The following SMARCAD1 variants were observed in gnomAD, a reference collection of about 807,000 sequenced individuals.
SMARCAD1 encodes the protein SWI/SNF-related matrix-associated actin-dependent regulator of chromatin subfamily A containing DEAD/H box 1.
Under a neutral mutation model 127.1 loss-of-function variants are expected in SMARCAD1, and 25 were observed. The ratio of observed to expected loss-of-function variants is 0.20; its 90% CI spans 0.14 to 0.27. The LOEUF (loss-of-function observed/expected upper bound fraction) is 0.27, where lower values mean the gene tolerates loss of function less well. SMARCAD1 is among the 10% of genes least tolerant of loss of function. The pLI is 1.00. For missense variants in SMARCAD1, 807 were observed against 1,206.0 expected (o/e 0.67, Z 4.90); for synonymous variants, 400 against 396.9 (o/e 1.01, Z -0.09).
intron 11 of SMARCAD1, among the ~76,000 whole-genome samples, chr4:94,272,748 G>A (rs1752723095): frequency 6.6e-6 from 1 of 151,944 alleles, no homozygotes; most frequent in Admixed American, 6.6e-5. Flanking sequence ...AGTGCAATTT[G>A]TTGATCTTCT....
intron 23 of SMARCAD1, 111 bp from the exon 24 acceptor site, chr4:94,289,362 T>C (rs559723034): frequency 1.9e-5 from 18 of 950,494 alleles, no homozygotes; most frequent in Middle Eastern, 3.3e-4. Context: ...TGAAGCAAAC[T>C]AGCCCTTGAA....
upstream of SMARCAD1, chr4:94,207,813 C>G (rs1578949915): frequency 3.4e-6 from 1 of 293,678 alleles, no homozygotes; most frequent in Admixed American, 4.7e-5. Context: ...CACCTCTGAA[C>G]CTTCCTGTGT....
At chr4:94,267,965 G>T (rs1751983050) in intron 10 of SMARCAD1, among the ~76,000 whole-genome samples, 1 of 152,102 alleles carries the variant, frequency 6.6e-6, no homozygotes, top group Non-Finnish European at 1.5e-5. Context: ...TTTAAATGTT[G>T]TTATAATAAA....
intron 14 of SMARCAD1, 82 bp from the exon 15 acceptor site, chr4:94,276,257 T>C (rs1279615216): frequency 2.7e-5 from 40 of 1,475,432 alleles, no homozygotes; most frequent in Admixed American, 5.3e-5. Flanking sequence ...AAATAAAAAA[T>C]GATTTTATAA....
chr4:94,275,409 T>A (rs188533460), intron 14 of SMARCAD1, among the ~76,000 whole-genome samples: 8 of 152,332 alleles, frequency 5.3e-5, no homozygotes, highest in Admixed American at 5.2e-4. Flanking sequence ...TAATAATTGA[T>A]GTAAATATCT....
intron 2 of SMARCAD1, among the ~76,000 whole-genome samples, 163 bp downstream of exon 2, chr4:94,208,747 C>T (rs1306362370): frequency 6.6e-6 from 1 of 152,162 alleles, no homozygotes. Context: ...GCACCATGTA[C>T]CCTCAACTGA....
At chr4:94,259,972 G>T (rs189187123) in intron 9 of SMARCAD1, among the ~76,000 whole-genome samples, 1 of 152,248 alleles carries the variant, frequency 6.6e-6, no homozygotes, top group Non-Finnish European at 1.5e-5. Flanking sequence ...TAAGATCCAA[G>T]TAAGGTCCAC....
intron 3 of SMARCAD1, among the ~76,000 whole-genome samples, chr4:94,232,037 ATT>A (rs1342662751): frequency 6.6e-6 from 1 of 151,824 alleles, no homozygotes. Flanking sequence ...AATTGTTTTA[ATT>A]TTTAGTGGAG....
chr4:94,259,158 G>A (rs1006462532), intron 9 of SMARCAD1, among the ~76,000 whole-genome samples: 4 of 152,108 alleles, frequency 2.6e-5, no homozygotes, highest in Admixed American at 2.6e-4. Flanking sequence ...GGAAAGTGTT[G>A]TTTCTTCCTG....
intron 10 of SMARCAD1, among the ~76,000 whole-genome samples, chr4:94,269,539 T>A (rs1245809088): frequency 6.6e-6 from 1 of 152,106 alleles, no homozygotes; most frequent in African/African-American, 2.4e-5. Context: ...GTAACTACTT[T>A]ATGGGATTTT....
rs765081814 is a variant in SMARCAD1, at chr4:94,285,119, A to G, written c.3019+50A>G. 1.1e-5 allele frequency: 13 copies of G among 1,201,202 alleles called. No homozygotes were observed. In the Admixed American group the frequency reaches 2.0e-4, roughly 19 times the overall value. The allele number at this position is 1,201,202 out of a possible 1,614,324, so 74.4% of individuals were successfully genotyped here. A position where few individuals can be genotyped will look rare whatever the true frequency, so the allele number is the denominator to read the frequency against. ...TCAATATTTATCTATATGACCATGC[A>G]TCTAATTAGTCAGTGCAAGAGGATG... On this transcript the variant is annotated intron_variant, in intron 23 of 23. Transcript: ENST00000354268.
At chr4:94,247,696 C>T (rs556695373) in intron 6 of SMARCAD1, among the ~76,000 whole-genome samples, 5 of 152,174 alleles carry the variant, frequency 3.3e-5, no homozygotes, top group Non-Finnish European at 7.3e-5. Flanking sequence ...CCCTCCTCCC[C>T]CTAACCCCTG....
At chr4:94,284,084 G>GGCGAAGGCGGGTGGATC (rs1044013543) in intron 22 of SMARCAD1, among the ~76,000 whole-genome samples, 3 of 151,840 alleles carry the variant, frequency 2.0e-5, no homozygotes, top group African/African-American at 7.3e-5. Context: ...CACTTTGGGA[G>GGCGAAGGCGGGTGGATC]GCGAAGGCGG....
chr4:94,210,184 A>G (rs1234841452), intron 2 of SMARCAD1, among the ~76,000 whole-genome samples: 1 of 152,144 alleles, frequency 6.6e-6, no homozygotes, highest in Non-Finnish European at 1.5e-5. Flanking sequence ...ACTTTTTTCC[A>G]TACATAAATT....
At chr4:94,208,153 G>C in intron 1 of SMARCAD1, 83 bp downstream of exon 1, 2 of 658,468 alleles carry the variant, frequency 3.0e-6, no homozygotes, top group Middle Eastern at 3.9e-4. Flanking sequence ...GGAGTGAAAA[G>C]CAATGGAAAA....
At chr4:94,231,840 C>G (rs908962279) in intron 3 of SMARCAD1, among the ~76,000 whole-genome samples, 4 of 151,514 alleles carry the variant, frequency 2.6e-5, no homozygotes, top group African/African-American at 9.7e-5. Flanking sequence ...AGTCTTTTCT[C>G]AGAAAAAACA....
Position 94,254,616 on chromosome 4 carries a change from A to G in SMARCAD1, c.1281+1609A>G, listed in dbSNP as rs567485141. Among the ~76,000 whole-genome samples, 13 of 152,102 alleles carry G rather than the reference A, an allele frequency of 8.5e-5. No individual in the cohort carries two copies. The South Asian group carries it at 2.3e-3, about 27-fold the overall frequency. The stretch of plus-strand genomic sequence containing the variant: ...TGGAGATTATGCATTACTTACTTAA[A>G]CCTCCTAACATCTTGCCCCTTTCTA... On this transcript the variant is annotated intron_variant, in intron 9 of 23. Transcript: ENST00000354268.
Position 94,245,556 on chromosome 4 carries a change from G to A in SMARCAD1, c.706-4098G>A, listed in dbSNP as rs3103121. On this transcript the variant is annotated intron_variant, in intron 6 of 23. Transcript: ENST00000354268. ...GTTAGTACAGCAGACATAACACAAGGACAGTGAGCTACAACCTTCTGTATC... is the reference window on the plus strand; with the variant it reads ...GTTAGTACAGCAGACATAACACAAGAACAGTGAGCTACAACCTTCTGTATC... 4.6e-5 allele frequency among the ~76,000 whole-genome samples: 7 copies of A among 152,254 alleles called. No individual in the cohort carries two copies. The South Asian group carries it at 1.0e-3, about 23-fold the overall frequency.
intron 6 of SMARCAD1, among the ~76,000 whole-genome samples, chr4:94,245,713 C>A (rs1748307713): frequency 6.6e-6 from 1 of 152,144 alleles, no homozygotes; most frequent in African/African-American, 2.4e-5. Context: ...TAGGTATTAA[C>A]TATTTAATGT....
Sources: allele counts gnomAD v4.1 joint callset (sites outside exome capture counted in the v4.1 genomes callset), GRCh38; gene constraint gnomAD v4.1.1; transcripts MANE v1.5; gene names NCBI Gene and HGNC (gene_info 2026-07-23, HGNC 2026-07-21).